EYA3: variants seen among roughly 807,000 people sequenced by gnomAD.
EYA3 encodes EYA transcriptional coactivator and phosphatase 3.
A neutral mutation model predicts 80.0 loss-of-function variants in EYA3; 39 were observed. That is an observed-to-expected ratio of 0.49 (90% CI 0.38 to 0.64). EYA3 has a LOEUF of 0.64. EYA3 is among the 30% of genes least tolerant of loss of function. The pLI, the probability that EYA3 is intolerant of heterozygous loss-of-function variation, is 0.00. For missense variants in EYA3, 523 were observed against 676.1 expected, an observed-to-expected ratio of 0.77 and a Z score of 2.51; for synonymous variants, 206 against 232.8, an observed-to-expected ratio of 0.88 and a Z score of 1.05.
chr1:28,053,196 A>G (rs1644328067), intron 2 of EYA3, among the ~76,000 whole-genome samples: 1 of 151,064 alleles, frequency 6.6e-6, no homozygotes, highest in Non-Finnish European at 1.5e-5. Flanking sequence ...AGAAAAAAGG[A>G]AGATGCCTTA....
In EYA3 at chr1:27,974,335, GAGAGAA is replaced by G. The variant is rs921802049; in HGVS notation, c.*125_*130del. ...GGAGGGAGAGAGGGAGAGAGAGAAA[GAGAGAA>G]AGAGAGAGAGATAGAGACAGAGACA... On this transcript the variant is annotated 3_prime_UTR_variant, in exon 18 of 18. Transcript: ENST00000373871. 2.5e-4 allele frequency: 141 copies of G among 558,782 alleles called. No homozygotes were observed. Among genetic ancestry groups the G allele is most frequent in the African/African-American group, 2.2e-3 (118 of 53,430 alleles). 34.6% of individuals were successfully genotyped at this position (558,782 alleles called of 1,614,324 possible).
intron 7 of EYA3, among the ~76,000 whole-genome samples, chr1:28,018,326 G>C (rs1018015605): frequency 1.3e-5 from 2 of 152,164 alleles, no homozygotes; most frequent in East Asian, 1.9e-4. Flanking sequence ...CATTCTACTA[G>C]GGTTTTAATC....
chr1:27,980,003 C>T (rs1046536581), intron 16 of EYA3, among the ~76,000 whole-genome samples: 2 of 152,174 alleles, frequency 1.3e-5, no homozygotes, highest in East Asian at 3.8e-4. Flanking sequence ...CTGGACCAGA[C>T]ACTAGATCAC....
chr1:28,087,247 G>T (rs1336987362), intron 1 of EYA3, among the ~76,000 whole-genome samples: 2 of 152,028 alleles, frequency 1.3e-5, no homozygotes, highest in Non-Finnish European at 2.9e-5. Context: ...ATTCCTTCAT[G>T]TTATAAATGA....
intron 1 of EYA3, among the ~76,000 whole-genome samples, chr1:28,073,992 T>C (rs761641660): frequency 6.6e-6 from 1 of 152,114 alleles, no homozygotes; most frequent in Admixed American, 6.5e-5. Flanking sequence ...ATTATAAACA[T>C]AGTTGGAACA....
chr1:28,026,956 CT>C (rs955058061), intron 7 of EYA3, among the ~76,000 whole-genome samples: 8 of 152,232 alleles, frequency 5.3e-5, no homozygotes, highest in Admixed American at 2.0e-4. Context: ...TATATTAAAA[CT>C]TTTTTTCATC....
At chr1:28,027,713 T>C (rs1642869549) in intron 7 of EYA3, 76 bp downstream of exon 7, 1 of 1,577,346 alleles carries the variant, frequency 6.3e-7, no homozygotes, top group Non-Finnish European at 8.7e-7. Context: ...ATTTGTTTGT[T>C]TGGAGATACA....
chr1:27,982,576 C>A (rs889025344), intron 16 of EYA3, among the ~76,000 whole-genome samples: 59 of 151,184 alleles, frequency 3.9e-4, no homozygotes, highest in African/African-American at 1.3e-3. Flanking sequence ...TATCTGTCTG[C>A]AATGTTTTTT....
At chr1:28,033,221 C>A (rs1179556744) in intron 6 of EYA3, among the ~76,000 whole-genome samples, 1 of 152,094 alleles carries the variant, frequency 6.6e-6, no homozygotes. Flanking sequence ...AGAAAGAAAT[C>A]AAGTGTTTTC....
At chr1:28,007,321 ATTTC>A (rs1019038016) in intron 10 of EYA3, among the ~76,000 whole-genome samples, 8 of 147,394 alleles carry the variant, frequency 5.4e-5, no homozygotes, top group African/African-American at 7.5e-5. Context: ...TATCAGCTGT[ATTTC>A]TTTCTTTCTT....
chr1:28,011,804 C>T (rs1641716217), intron 9 of EYA3, among the ~76,000 whole-genome samples: 1 of 151,964 alleles, frequency 6.6e-6, no homozygotes, highest in Non-Finnish European at 1.5e-5. Flanking sequence ...AATTTATGGA[C>T]CTTATATTTG....
At chr1:28,082,022 T>C (rs1420476147) in intron 1 of EYA3, among the ~76,000 whole-genome samples, 1 of 152,144 alleles carries the variant, frequency 6.6e-6, no homozygotes, top group African/African-American at 2.4e-5. Flanking sequence ...AAGAACATTC[T>C]AAATATCAAC....
At position 28,048,474 on chromosome 1, in the gene EYA3, T is replaced by G. The variant is rs77896284; in HGVS notation, c.34-48A>C. ...GTATCAATGTACTTGATCTGTTTTT[T>G]AAATCATTTAGCTACTCAAACAACA... On this transcript the variant is annotated intron_variant, in intron 2 of 17. Coordinates refer to ENST00000373871, the MANE Select transcript of EYA3 (RefSeq NM_001990.4). 9.7e-5 allele frequency: 143 copies of G among 1,469,360 alleles called. No homozygotes were observed. In the East Asian group the frequency reaches 3.2e-3, roughly 33 times the overall value. 91.0% of individuals were successfully genotyped at this position (1,469,360 alleles called of 1,614,324 possible). A position where few individuals can be genotyped will look rare whatever the true frequency, so the allele number is the denominator to read the frequency against.
At chr1:28,085,300 A>G (rs553932486) in intron 1 of EYA3, among the ~76,000 whole-genome samples, 350 of 152,268 alleles carry the variant, frequency 2.3e-3, no homozygotes, top group Non-Finnish European at 4.4e-3. Flanking sequence ...AAAAATTTCA[A>G]AATTAGCCAG....
At chr1:28,048,945 G>C (rs1486858967) in intron 2 of EYA3, among the ~76,000 whole-genome samples, 1 of 151,950 alleles carries the variant, frequency 6.6e-6, no homozygotes, top group Non-Finnish European at 1.5e-5. Context: ...TCCTTCTGGG[G>C]AGAAGGCACT....
chr1:28,040,582 G>A (rs964286600), intron 4 of EYA3, among the ~76,000 whole-genome samples: 10 of 152,250 alleles, frequency 6.6e-5, no homozygotes, highest in Middle Eastern at 3.4e-3. Context: ...ACCAAAGAAG[G>A]GCCATCAAAG....
chr1:28,057,331 A>G (rs1644470756), intron 2 of EYA3, among the ~76,000 whole-genome samples: 1 of 152,112 alleles, frequency 6.6e-6, no homozygotes, highest in Non-Finnish European at 1.5e-5. Context: ...TAAGAGGCCC[A>G]CTCAGGATAG....
intron 13 of EYA3, among the ~76,000 whole-genome samples, chr1:27,994,621 A>G (rs1315542803): frequency 6.6e-6 from 1 of 152,122 alleles, no homozygotes; most frequent in Non-Finnish European, 1.5e-5. Flanking sequence ...TGGAAGGCAG[A>G]GGTTGCAATG....
chr1:28,004,259 A>C (rs1041831566), intron 11 of EYA3, 77 bp downstream of exon 11: 2 of 1,018,360 alleles, frequency 2.0e-6, no homozygotes, highest in African/African-American at 3.2e-5. Context: ...GCAGAGAAAT[A>C]ATTTGTTATG....
Sources: allele counts gnomAD v4.1 joint callset (sites outside exome capture counted in the v4.1 genomes callset), GRCh38; gene constraint gnomAD v4.1.1; transcripts MANE v1.5; gene names NCBI Gene and HGNC (gene_info 2026-07-23, HGNC 2026-07-21).